Variants in DPP10 observed in about 807,000 individuals in gnomAD.
DPP10 encodes the protein inactive dipeptidyl peptidase 10.
A neutral mutation model predicts 120.9 loss-of-function variants in DPP10; 33 were observed. The ratio of observed to expected loss-of-function variants is 0.27; its 90% CI spans 0.21 to 0.37. The LOEUF (loss-of-function observed/expected upper bound fraction) is 0.37. Ranked by LOEUF, DPP10 falls within the 10% of genes least tolerant of loss-of-function variation. DPP10 has a pLI of 1.00. For missense variants in DPP10, 816 were observed against 942.8 expected, an observed-to-expected ratio of 0.87 and a Z score of 1.76; for synonymous variants, 337 against 326.1, an observed-to-expected ratio of 1.03 and a Z score of -0.36.
chr2:114,706,886 T>G (rs1484323822), intron 1 of DPP10, among the ~76,000 whole-genome samples: 1 of 151,474 alleles, frequency 6.6e-6, no homozygotes, highest in Non-Finnish European at 1.5e-5. Flanking sequence ...GAGGGGGATG[T>G]GAAAATATGT....
intron 7 of DPP10, among the ~76,000 whole-genome samples, chr2:115,695,986 C>A (rs1447470384): frequency 6.6e-6 from 1 of 151,888 alleles, no homozygotes; most frequent in Non-Finnish European, 1.5e-5. Flanking sequence ...ACTAGAGAGT[C>A]AAGATATACT....
intron 7 of DPP10, among the ~76,000 whole-genome samples, chr2:115,722,012 C>T (rs1438714688): frequency 6.6e-6 from 1 of 152,086 alleles, no homozygotes; most frequent in Non-Finnish European, 1.5e-5. Context: ...AAGACAAATA[C>T]TGCATGATTC....
chr2:115,290,035 A>G (rs2060589556), intron 1 of DPP10, among the ~76,000 whole-genome samples: 1 of 152,208 alleles, frequency 6.6e-6, no homozygotes, highest in Admixed American at 6.5e-5. Context: ...ACAGCAAAAG[A>G]AATAATCAAA....
chr2:115,461,091 T>C (rs1300487022), intron 3 of DPP10, among the ~76,000 whole-genome samples: 1 of 152,200 alleles, frequency 6.6e-6, no homozygotes, highest in Non-Finnish European at 1.5e-5. Context: ...TGGTATTTAT[T>C]AGCTCCCCTG....
intron 3 of DPP10, among the ~76,000 whole-genome samples, chr2:115,382,965 T>C (rs1038763626): frequency 6.6e-6 from 1 of 152,348 alleles, no homozygotes; most frequent in African/African-American, 2.4e-5. Flanking sequence ...CAGCATTTAG[T>C]AATTTCTGCA....
intron 1 of DPP10, among the ~76,000 whole-genome samples, chr2:115,008,021 C>G (rs1701980728): frequency 6.6e-6 from 1 of 150,492 alleles, no homozygotes; most frequent in Non-Finnish European, 1.5e-5. Context: ...TTTACAGATT[C>G]AATGCCATCC....
chr2:114,823,719 C>T (rs1296820656), intron 1 of DPP10, among the ~76,000 whole-genome samples: 1 of 152,086 alleles, frequency 6.6e-6, no homozygotes, highest in Admixed American at 6.6e-5. Context: ...GTTACCAGGG[C>T]CATATGGAAA....
chr2:115,641,060 G>GT (rs1256731071), intron 5 of DPP10, among the ~76,000 whole-genome samples: 2 of 152,046 alleles, frequency 1.3e-5, no homozygotes, highest in Non-Finnish European at 2.9e-5. Flanking sequence ...TGTATTATAT[G>GT]ATATACATAC....
At chr2:114,707,423 G>A (rs932058395) in intron 1 of DPP10, among the ~76,000 whole-genome samples, 1 of 152,112 alleles carries the variant, frequency 6.6e-6, no homozygotes, top group Non-Finnish European at 1.5e-5. Flanking sequence ...ATCCACTGTT[G>A]TTAGTTGTTA....
At chr2:115,817,575 A>T (rs1687385662) in intron 21 of DPP10, among the ~76,000 whole-genome samples, 1 of 152,244 alleles carries the variant, frequency 6.6e-6, no homozygotes, top group Non-Finnish European at 1.5e-5. Flanking sequence ...TGTCAGCAAT[A>T]TTCAACAGAT....
intron 1 of DPP10, among the ~76,000 whole-genome samples, chr2:115,302,539 C>T (rs989828567): frequency 6.6e-6 from 1 of 151,796 alleles, no homozygotes; most frequent in Non-Finnish European, 1.5e-5. Context: ...ATCACATGAG[C>T]CCAGGAGGTT....
chr2:115,580,726 C>A (rs189180933), intron 5 of DPP10, among the ~76,000 whole-genome samples: 39 of 152,248 alleles, frequency 2.6e-4, no homozygotes, highest in African/African-American at 8.9e-4. Flanking sequence ...TGAATCCTTC[C>A]TTTTCCATAT....
At chr2:114,893,417 A>G (rs1222038127) in intron 1 of DPP10, among the ~76,000 whole-genome samples, 1 of 152,168 alleles carries the variant, frequency 6.6e-6, no homozygotes, top group Non-Finnish European at 1.5e-5. Flanking sequence ...TTTCAGGAAC[A>G]TGGCATTTAG....
At chr2:115,772,245 G>A in intron 13 of DPP10, among the ~76,000 whole-genome samples, 1 of 152,226 alleles carries the variant, frequency 6.6e-6, no homozygotes, top group African/African-American at 2.4e-5. Context: ...GACTGGATGT[G>A]CATCAATAAC....
intron 1 of DPP10, among the ~76,000 whole-genome samples, chr2:114,588,888 C>T (rs184296532): frequency 2.6e-4 from 39 of 152,128 alleles, no homozygotes; most frequent in Admixed American, 2.6e-3. Flanking sequence ...CACTCAGCAT[C>T]CAACCCCATC....
intron 1 of DPP10, among the ~76,000 whole-genome samples, chr2:115,016,012 AT>A (rs1702605822): frequency 6.6e-6 from 1 of 152,218 alleles, no homozygotes; most frequent in Non-Finnish European, 1.5e-5. Context: ...AAAATTTCAT[AT>A]GGAACCAAAA....
chr2:115,727,860 G>C lies in DPP10; in HGVS notation c.621G>C (p.Lys207Asn), dbSNP rs1215304038. The C allele has an allele frequency of 1.2e-6, 2 of 1,606,260 alleles. No individual in the cohort carries two copies. Among genetic ancestry groups the C allele is most frequent in the Non-Finnish European group, 1.7e-6 (2 of 1,176,786 alleles). Residue 207 changes from lysine to asparagine, a missense_variant, in exon 8 of 26, where the codon AAG becomes AAC. Physicochemically the swap from Lys to Asn is moderately conservative, Grantham distance 94. Transcript: ENST00000410059. ...ENNIYYQPDI[K>N]SSSLRLTSSG... ...ATATCTACTATCAACCTGATATAAA[G>C]AGCAGTTCATTGCGACTGACATCTT...
chr2:115,531,789 C>G (rs1036912202), intron 5 of DPP10, among the ~76,000 whole-genome samples: 13 of 152,090 alleles, frequency 8.5e-5, no homozygotes, highest in Admixed American at 8.5e-4. Context: ...TTGCTGTTCT[C>G]CATTCTGTTA....
chr2:115,150,283 G>T (rs1323540542), intron 1 of DPP10, among the ~76,000 whole-genome samples: 1 of 152,150 alleles, frequency 6.6e-6, no homozygotes, highest in Non-Finnish European at 1.5e-5. Flanking sequence ...TTGTGCATTA[G>T]GAATGAGATA....
Sources: allele counts gnomAD v4.1 joint callset (sites outside exome capture counted in the v4.1 genomes callset), GRCh38; gene constraint gnomAD v4.1.1; transcripts MANE v1.5; gene names NCBI Gene and HGNC (gene_info 2026-07-23, HGNC 2026-07-21).